Variants in DCUN1D5 observed in about 807,000 individuals in gnomAD.
The protein encoded by DCUN1D5 is defective in cullin neddylation 1 domain containing 5, also known as DCN1-like protein 5.
In DCUN1D5, 10 loss-of-function variants were observed where a neutral mutation model predicts 38.3. The ratio of observed to expected loss-of-function variants is 0.26; its 90% CI spans 0.16 to 0.44. DCUN1D5 has a LOEUF of 0.44. Ranked by LOEUF, DCUN1D5 falls within the 20% of genes least tolerant of loss-of-function variation. DCUN1D5 has a pLI of 1.00. For synonymous variants in DCUN1D5, 93 were observed against 90.9 expected, an observed-to-expected ratio of 1.02 and a Z score of -0.13; for missense variants, 148 against 275.3, an observed-to-expected ratio of 0.54 and a Z score of 3.27.
Position 103,071,990 on chromosome 11 carries a change from T to C in DCUN1D5, c.342-5423A>G, listed in dbSNP as rs982514512. Among the ~76,000 whole-genome samples, 9 of 151,684 alleles carry C rather than the reference T, an allele frequency of 5.9e-5. No homozygotes were observed. The highest frequency in any genetic ancestry group is 1.2e-4 in the Non-Finnish European group (8 of 67,904). On this transcript the variant is annotated intron_variant, in intron 4 of 7. Coordinates refer to ENST00000260247, the MANE Select transcript of DCUN1D5 (RefSeq NM_032299.4). This position sits in a 1 kb window ranked among gnomAD's most constrained non-coding sequence, Gnocchi z 4.1. ...AAAAAAAGCCACATAATTTTATCAT[T>C]TAATACAGAAAAAGCACTTTAAAAA...
At position 103,086,228 on chromosome 11, in the gene DCUN1D5, C is replaced by T. The variant is rs1032179974; in HGVS notation, c.179-2902G>A. Among the ~76,000 whole-genome samples, 1 of 152,060 alleles carries T rather than the reference C, an allele frequency of 6.6e-6. No homozygotes were observed. The highest frequency in any genetic ancestry group is 2.4e-5 in the African/African-American group (1 of 41,466). The stretch of plus-strand genomic sequence containing the variant: ...GACACAGCACCTTCAACATGAGCTA[C>T]GTAAGAGTCATTAATTTTGGAACAC... On this transcript the variant is annotated intron_variant, in intron 2 of 7. Transcript: ENST00000260247. The surrounding 1 kb of genome is among the most constrained non-coding windows in gnomAD (Gnocchi z 4.1).
rs1019724298 is a variant in DCUN1D5, at chr11:103,071,710, TACC to T, written c.342-5146_342-5144del. 1.7e-4 allele frequency among the ~76,000 whole-genome samples: 25 copies of T among 151,190 alleles called. No individual in the cohort carries two copies. The highest frequency in any genetic ancestry group is 6.6e-5 in the Admixed American group (1 of 15,212). ...AATAAGTTCCTTGAAAAACACAAAC[TACC>T]ACAACACATACAATATACAGTAGTC... On this transcript the variant is annotated intron_variant, in intron 4 of 7. Coordinates refer to ENST00000260247, the MANE Select transcript of DCUN1D5 (RefSeq NM_032299.4). This position sits in a 1 kb window ranked among gnomAD's most constrained non-coding sequence, Gnocchi z 4.1.
intron 2 of DCUN1D5, among the ~76,000 whole-genome samples, chr11:103,085,165 A>G (rs1390739506): frequency 6.6e-6 from 1 of 151,780 alleles, no homozygotes; most frequent in African/African-American, 2.4e-5. Flanking sequence ...ATAAGCTAGG[A>G]GCAGTGGCTC....
chr11:103,089,303 T>A lies in DCUN1D5; in HGVS notation c.102A>T (p.Gln34His). 2 of 1,607,762 alleles carry A rather than the reference T, an allele frequency of 1.2e-6. No homozygotes were observed. The highest frequency in any genetic ancestry group is 1.7e-6 in the Non-Finnish European group (2 of 1,175,734). Residue 34 changes from glutamine to histidine, a missense_variant, in exon 2 of 8, where the codon CAA becomes CAT. Transcript: ENST00000260247. Reference sequence around the variant, plus strand: ...CTCCACTTATTAGTCTAGCAGGGGGTTGGGATCTGCAATAGCTTAGAAAAC... The same window carrying A: ...CTCCACTTATTAGTCTAGCAGGGGGATGGGATCTGCAATAGCTTAGAAAAC... ...KCKISSYCRS[Q>H]PPARLISGEE...
intron 4 of DCUN1D5, among the ~76,000 whole-genome samples, chr11:103,080,636 C>T (rs1238486119): frequency 2.0e-5 from 3 of 152,162 alleles, no homozygotes; most frequent in Non-Finnish European, 4.4e-5. Context: ...AGAGAAACTT[C>T]TGGGACAAAT....
rs1209432795 is a variant in DCUN1D5, at chr11:103,057,496, G to A, written c.*4863C>T. Among the ~76,000 whole-genome samples, 1 of 151,956 alleles carries A rather than the reference G, an allele frequency of 6.6e-6. No homozygotes were observed. Among genetic ancestry groups the A allele is most frequent in the Non-Finnish European group, 1.5e-5 (1 of 67,994 alleles). ...AGGTGGGTGGGATCACTTGAGGGCAGGAGTTTGAGACCAGCCTGGCCAACA... is the reference window on the plus strand; with the variant it reads ...AGGTGGGTGGGATCACTTGAGGGCAAGAGTTTGAGACCAGCCTGGCCAACA... On this transcript the variant is annotated 3_prime_UTR_variant, in exon 8 of 8. Transcript: ENST00000260247. The surrounding 1 kb of genome is among the most constrained non-coding windows in gnomAD (Gnocchi z 4.8).
Position 103,052,795 on chromosome 11 carries a change from TAG to T in DCUN1D5, c.*9562_*9563del, listed in dbSNP as rs1481691480. 2.0e-5 allele frequency: 3 copies of T among 152,214 alleles called. No individual in the cohort carries two copies. Among genetic ancestry groups the T allele is most frequent in the African/African-American group, 7.2e-5 (3 of 41,462 alleles). 9.4% of individuals were successfully genotyped at this position (152,214 alleles called of 1,614,324 possible). On this transcript the variant is annotated 3_prime_UTR_variant, in exon 8 of 8. Transcript: ENST00000260247. ...ACACCAACCACTTCTTGGCTTTTTA[TAG>T]AGAGAATAAAATAGAAATTCCTAAA... is the stretch of plus-strand genomic sequence containing the variant.
intron 1 of DCUN1D5, 82 bp from the exon 2 acceptor site, chr11:103,089,400 A>C: frequency 1.6e-6 from 2 of 1,236,042 alleles, no homozygotes; most frequent in African/African-American, 1.6e-5. Flanking sequence ...AACAACTTCC[A>C]TTCACATTAA....
intron 2 of DCUN1D5, among the ~76,000 whole-genome samples, chr11:103,088,553 T>G (rs539951332): frequency 6.6e-6 from 1 of 152,172 alleles, no homozygotes; most frequent in Non-Finnish European, 1.5e-5. Context: ...GTTACAAGAT[T>G]TAGCTGAGGT....
At chr11:103,079,358 T>G (rs527842417) in intron 4 of DCUN1D5, among the ~76,000 whole-genome samples, 1 of 152,342 alleles carries the variant, frequency 6.6e-6, no homozygotes, top group South Asian at 2.1e-4. Context: ...AGCTGCATCT[T>G]ATTCCTCGCT....
intron 4 of DCUN1D5, among the ~76,000 whole-genome samples, chr11:103,079,269 C>G (rs1862490975): frequency 6.6e-6 from 1 of 152,124 alleles, no homozygotes; most frequent in Admixed American, 6.5e-5. Flanking sequence ...CGAAACTGAT[C>G]CCTGGTGCCA....
chr11:103,091,953 C>T lies in DCUN1D5; in HGVS notation c.-81G>A, dbSNP rs1862884333. The T allele has an allele frequency of 7.4e-7, 1 of 1,348,646 alleles. No individual in the cohort carries two copies. Among genetic ancestry groups the T allele is most frequent in the Non-Finnish European group, 1.0e-6 (1 of 985,404 alleles). The allele number at this position is 1,348,646 out of a possible 1,614,324, so 83.5% of individuals were successfully genotyped here. A position where few individuals can be genotyped will look rare whatever the true frequency, so the allele number is the denominator to read the frequency against. On this transcript the variant is annotated 5_prime_UTR_variant, in exon 1 of 8. Coordinates refer to ENST00000260247, the MANE Select transcript of DCUN1D5 (RefSeq NM_032299.4). The surrounding 1 kb of genome is among the most constrained non-coding windows in gnomAD (Gnocchi z 4.3). ...GCTGGAAGCCCCTCAGCGCTGGCACCCAGTTCCCAGAGACAGCAGCAAGCG... is the reference window on the plus strand; with the variant it reads ...GCTGGAAGCCCCTCAGCGCTGGCACTCAGTTCCCAGAGACAGCAGCAAGCG...
chr11:103,081,785 C>T (rs11225542), intron 4 of DCUN1D5, among the ~76,000 whole-genome samples: 2,493 of 152,110 alleles, frequency 0.016, 32 homozygotes, highest in Non-Finnish European at 0.024. Context: ...AAAATATCCA[C>T]GTGTCTACAT....
rs1177899635 is a variant in DCUN1D5, at chr11:103,062,500, A to G, written c.659-86T>C. 8.7e-7 allele frequency: 1 copy of G among 1,144,958 alleles called. No homozygotes were observed. Among genetic ancestry groups the G allele is most frequent in the Admixed American group, 2.0e-5 (1 of 50,534 alleles). 70.9% of individuals were successfully genotyped at this position (1,144,958 alleles called of 1,614,324 possible). ...CAAACTCCCCACGAGCTCTGCAATG[A>G]CAGAGGAATGACCCTTCCTTTCTTT... On this transcript the variant is annotated intron_variant, in intron 7 of 7. Coordinates refer to ENST00000260247, the MANE Select transcript of DCUN1D5 (RefSeq NM_032299.4). The surrounding 1 kb of genome is among the most constrained non-coding windows in gnomAD (Gnocchi z 4.6).
At chr11:103,081,287 A>T (rs1168648116) in intron 4 of DCUN1D5, among the ~76,000 whole-genome samples, 1 of 152,254 alleles carries the variant, frequency 6.6e-6, no homozygotes, top group South Asian at 2.1e-4. Context: ...AATGTCTTAC[A>T]TTAATAAGCC....
chr11:103,079,694 G>A (rs1249099983), intron 4 of DCUN1D5, among the ~76,000 whole-genome samples: 2 of 151,706 alleles, frequency 1.3e-5, no homozygotes, highest in African/African-American at 4.8e-5. Context: ...TGAAGTGGGA[G>A]GATTACTTGA....
In DCUN1D5 at chr11:103,077,577, C is replaced by T. The variant is rs951352060; in HGVS notation, c.341+5171G>A. On this transcript the variant is annotated intron_variant, in intron 4 of 7. Transcript: ENST00000260247. This position sits in a 1 kb window ranked among gnomAD's most constrained non-coding sequence, Gnocchi z 4.3. ...GGGTATTAATTTCAACGTTAGGACT[C>T]GGAAATTAATTTCCTGGTATTGCTA... is the stretch of plus-strand genomic sequence containing the variant. Among the ~76,000 whole-genome samples, 14 of 152,134 alleles carry T rather than the reference C, an allele frequency of 9.2e-5. No individual in the cohort carries two copies. The highest frequency in any genetic ancestry group is 3.1e-4 in the African/African-American group (13 of 41,420).
rs371017397 is a variant in DCUN1D5, at chr11:103,081,139, A to T, written c.341+1609T>A. Among the ~76,000 whole-genome samples, 82 of 152,320 alleles carry T rather than the reference A, an allele frequency of 5.4e-4. 4 individuals are homozygous for T. The East Asian group carries it at 7.5e-3, about 14-fold the overall frequency. ...CACATTTTTGTTATAAAGACTTTTT[A>T]TATTGTATCAACTTATGCAAAAACA... is the stretch of plus-strand genomic sequence containing the variant. On this transcript the variant is annotated intron_variant, in intron 4 of 7. Transcript: ENST00000260247.
chr11:103,064,518 A>C lies in DCUN1D5; in HGVS notation c.556-141T>G. 2 of 643,730 alleles carry C rather than the reference A, an allele frequency of 3.1e-6. No individual in the cohort carries two copies. Among genetic ancestry groups the C allele is most frequent in the Non-Finnish European group, 5.0e-6 (2 of 397,246 alleles). The allele number at this position is 643,730 out of a possible 1,614,324, so 39.9% of individuals were successfully genotyped here. On this transcript the variant is annotated intron_variant, in intron 6 of 7. Transcript: ENST00000260247. The surrounding 1 kb of genome is among the most constrained non-coding windows in gnomAD (Gnocchi z 4.5). ...ATTTTTTTAATTATTTGTGTTTCTAAGAGATTCCTCATGGGCATTTACATA... is the reference window on the plus strand; with the variant it reads ...ATTTTTTTAATTATTTGTGTTTCTACGAGATTCCTCATGGGCATTTACATA...
Sources: allele counts gnomAD v4.1 joint callset (sites outside exome capture counted in the v4.1 genomes callset), GRCh38; gene constraint gnomAD v4.1.1; non-coding constraint Gnocchi (gnomAD v3.1); transcripts MANE v1.5; gene names NCBI Gene and HGNC (gene_info 2026-07-23, HGNC 2026-07-21).